The following NTM variants were observed in gnomAD, a reference collection of about 807,000 sequenced individuals.
NTM encodes IgLON family member 2.
NTM carries 13 observed loss-of-function variants against 42.1 expected under a neutral mutation model. The observed-to-expected ratio is 0.31, with a 90% CI of 0.20 to 0.49. The LOEUF is 0.49. NTM is among the 20% of genes least tolerant of loss of function. The pLI is 0.99. For missense variants in NTM, 373 were observed against 452.8 expected, an observed-to-expected ratio of 0.82 and a Z score of 1.60; for synonymous variants, 187 against 179.2, an observed-to-expected ratio of 1.04 and a Z score of -0.35.
At chr11:131,420,921 G>A (rs71483665) in intron 1 of NTM, among the ~76,000 whole-genome samples, 3,644 of 152,124 alleles carry the variant, frequency 0.024, 57 homozygotes, top group Non-Finnish European at 0.029. Flanking sequence ...TCTGCTTCAC[G>A]CAGACCACAC....
At chr11:132,300,298 A>C (rs2094796015) in intron 4 of NTM, among the ~76,000 whole-genome samples, 1 of 152,226 alleles carries the variant, frequency 6.6e-6, no homozygotes, top group African/African-American at 2.4e-5. Context: ...CGATTTCCTG[A>C]GAGCTTCCTA....
At chr11:132,203,620 G>C (rs749711167) in intron 3 of NTM, among the ~76,000 whole-genome samples, 1 of 152,110 alleles carries the variant, frequency 6.6e-6, no homozygotes, top group Non-Finnish European at 1.5e-5. Context: ...AACACTGCGC[G>C]GTGGCACATG....
At chr11:131,692,035 C>T (rs1204410461) in intron 1 of NTM, among the ~76,000 whole-genome samples, 1 of 152,166 alleles carries the variant, frequency 6.6e-6, no homozygotes, top group Non-Finnish European at 1.5e-5. Context: ...CCTAGGTAAG[C>T]ACGAGTGAAA....
chr11:131,759,206 G>C (rs2083761720), intron 1 of NTM, among the ~76,000 whole-genome samples: 2 of 152,144 alleles, frequency 1.3e-5, no homozygotes, highest in Non-Finnish European at 2.9e-5. Context: ...ACATCTTACT[G>C]TGCTCTCCAT....
intron 1 of NTM, among the ~76,000 whole-genome samples, chr11:131,584,037 A>C (rs964443790): frequency 6.6e-6 from 1 of 152,168 alleles, no homozygotes. Context: ...TGTTTTATGA[A>C]TGCTGAACAG....
At chr11:131,781,840 G>A (rs1233326486) in intron 1 of NTM, among the ~76,000 whole-genome samples, 2 of 152,214 alleles carry the variant, frequency 1.3e-5, no homozygotes, top group African/African-American at 2.4e-5. Context: ...ATCTTGCTGA[G>A]TTAAATAGAA....
At chr11:132,059,049 T>TA in intron 2 of NTM, among the ~76,000 whole-genome samples, 3 of 152,200 alleles carry the variant, frequency 2.0e-5, no homozygotes, top group Non-Finnish European at 4.4e-5. Flanking sequence ...CTTTCTAGCT[T>TA]AAAAAACCAA....
intron 2 of NTM, among the ~76,000 whole-genome samples, chr11:132,033,939 T>C (rs1197064318): frequency 6.6e-6 from 1 of 152,238 alleles, no homozygotes; most frequent in Non-Finnish European, 1.5e-5. Context: ...TTACAACCTG[T>C]CTACTTCATA....
At chr11:131,968,854 A>G (rs2063175323) in intron 2 of NTM, among the ~76,000 whole-genome samples, 1 of 152,268 alleles carries the variant, frequency 6.6e-6, no homozygotes, top group East Asian at 1.9e-4. Flanking sequence ...CCTTATTTCA[A>G]CTATTTTCCC....
At chr11:131,867,373 G>A (rs2047325683) in intron 1 of NTM, among the ~76,000 whole-genome samples, 3 of 152,114 alleles carry the variant, frequency 2.0e-5, no homozygotes, top group South Asian at 4.1e-4. Flanking sequence ...CTGTGTGTCT[G>A]GGGGTGTGTG....
intron 1 of NTM, among the ~76,000 whole-genome samples, chr11:131,820,720 T>C (rs768025053): frequency 1.2e-4 from 19 of 152,320 alleles, no homozygotes; most frequent in Middle Eastern, 3.4e-3. Flanking sequence ...TTTAAACTTA[T>C]AAAGATATTA....
chr11:131,528,070 T>TAAA (rs1464422211), intron 1 of NTM, among the ~76,000 whole-genome samples: 4 of 152,016 alleles, frequency 2.6e-5, no homozygotes, highest in African/African-American at 9.7e-5. Flanking sequence ...CAAATTTTTT[T>TAAA]AAAAAATCTA....
intron 2 of NTM, among the ~76,000 whole-genome samples, chr11:132,031,944 C>G (rs1475095740): frequency 6.6e-6 from 1 of 152,086 alleles, no homozygotes; most frequent in Non-Finnish European, 1.5e-5. Context: ...TTCTCCTTCT[C>G]TATCTCTGTG....
At chr11:131,655,832 C>T (rs1364930412) in intron 1 of NTM, among the ~76,000 whole-genome samples, 1 of 152,266 alleles carries the variant, frequency 6.6e-6, no homozygotes, top group Non-Finnish European at 1.5e-5. Flanking sequence ...CAGAGAAATT[C>T]TAGTCTCCAC....
At chr11:131,463,949 C>T (rs533688275) in intron 1 of NTM, among the ~76,000 whole-genome samples, 1 of 152,324 alleles carries the variant, frequency 6.6e-6, no homozygotes, top group Non-Finnish European at 1.5e-5. Context: ...GTGTGAGAAA[C>T]GGGACTGGCG....
intron 1 of NTM, chr11:131,533,956 T>A (rs1206691953): frequency 1.3e-5 from 2 of 152,344 alleles, no homozygotes; most frequent in Admixed American, 6.5e-5. Flanking sequence ...GGGACGCGTG[T>A]ATTTCTCCGT....
intron 1 of NTM, among the ~76,000 whole-genome samples, chr11:131,442,163 G>A (rs542140431): frequency 5.3e-5 from 8 of 152,260 alleles, no homozygotes; most frequent in African/African-American, 1.7e-4. Flanking sequence ...GTGCAGAAGC[G>A]GAGATGATGA....
chr11:132,119,841 A>C (rs1288615173), intron 2 of NTM, among the ~76,000 whole-genome samples: 2 of 152,258 alleles, frequency 1.3e-5, no homozygotes, highest in Admixed American at 1.3e-4. Context: ...ACAGCAGAGC[A>C]GTGCCACTGG....
At chr11:131,608,713 C>A (rs1342145033) in intron 1 of NTM, among the ~76,000 whole-genome samples, 1 of 151,930 alleles carries the variant, frequency 6.6e-6, no homozygotes, top group Non-Finnish European at 1.5e-5. Context: ...TTTTTTACAT[C>A]CCCTCTCTCT....
Sources: allele counts gnomAD v4.1 joint callset (sites outside exome capture counted in the v4.1 genomes callset), GRCh38; gene constraint gnomAD v4.1.1; transcripts MANE v1.5; gene names NCBI Gene and HGNC (gene_info 2026-07-23, HGNC 2026-07-21).